The following UBE3A variants were observed in gnomAD, a reference collection of about 807,000 sequenced individuals.
The protein encoded by UBE3A is ubiquitin protein ligase E3A, also known as ubiquitin-protein ligase E3A.
A neutral mutation model predicts 83.4 loss-of-function variants in UBE3A; 6 were observed. The observed-to-expected ratio is 0.07, with a 90% CI of 0.04 to 0.14. UBE3A has a LOEUF of 0.14. Ranked by LOEUF, UBE3A falls within the 10% of genes least tolerant of loss-of-function variation. UBE3A has a pLI of 1.00. For missense variants in UBE3A, 456 were observed against 1,036.1 expected (o/e 0.44, Z 7.69); for synonymous variants, 337 against 355.4 (o/e 0.95, Z 0.58).
At chr15:25,386,600 T>A (rs1418849820) in intron 4 of UBE3A, among the ~76,000 whole-genome samples, 1 of 152,006 alleles carries the variant, frequency 6.6e-6, no homozygotes, top group African/African-American at 2.4e-5. Flanking sequence ...TGGGCATGGA[T>A]GAAGAATCTC....
In UBE3A at chr15:25,354,631, T is replaced by G. The variant is rs770845702; in HGVS notation, c.2177A>C (p.Gln726Pro). The change falls in exon 10 of 13, where the codon CAG becomes CCG. Residue 726 changes from glutamine to proline, a missense_variant. Around this residue, in one of 13 missense-constraint regions of UBE3A, gnomAD observed 82 missense variants for 199.3 expected, o/e 0.41. Coordinates refer to ENST00000648336, the MANE Select transcript of UBE3A (RefSeq NM_130839.5). ...DYILNKSVEK[Q>P]FKAFRRGFHM... ...AAAACCTCTCCGAAAAGCCTTGAAC[T>G]GTTTTTCTACTGATTTATTGAGAAT... 6.2e-7 allele frequency: 1 copy of G among 1,613,652 alleles called. No individual in the cohort carries two copies. The highest frequency in any genetic ancestry group is 1.1e-5 in the South Asian group (1 of 91,080).
intron 6 of UBE3A, among the ~76,000 whole-genome samples, chr15:25,363,918 G>A (rs2078559387): frequency 1.3e-5 from 2 of 151,890 alleles, no homozygotes; most frequent in South Asian, 2.1e-4. Flanking sequence ...AAGGCTGGGC[G>A]CCGTGGCTCA....
At chr15:25,408,366 C>G in intron 3 of UBE3A, 1 of 565,976 alleles carries the variant, frequency 1.8e-6, no homozygotes, top group South Asian at 2.1e-5. Context: ...AACATATAAC[C>G]TAATTCAAAA....
At position 25,370,492 on chromosome 15, in the gene UBE3A, CT is replaced by C; in HGVS notation, c.1608+73del. 6.4e-7 allele frequency: 1 copy of C among 1,563,498 alleles called. No individual in the cohort carries two copies. Among genetic ancestry groups the C allele is most frequent in the Non-Finnish European group, 8.8e-7 (1 of 1,134,412 alleles). On this transcript the variant is annotated intron_variant, in intron 6 of 12. Coordinates refer to ENST00000648336, the MANE Select transcript of UBE3A (RefSeq NM_130839.5). This position sits in a 1 kb window ranked among gnomAD's most constrained non-coding sequence, Gnocchi z 4.2. Reference sequence around the variant, plus strand: ...TATATGGTATCATTTTTTTCAGTCACTTTTAAAATGAATTCACTGAACTGTA... The same window carrying C: ...TATATGGTATCATTTTTTTCAGTCACTTTAAAATGAATTCACTGAACTGTA...
At chr15:25,397,826 T>C (rs1239741790) in intron 4 of UBE3A, among the ~76,000 whole-genome samples, 1 of 152,158 alleles carries the variant, frequency 6.6e-6, no homozygotes, top group African/African-American at 2.4e-5. Flanking sequence ...GTGACTTCAA[T>C]GTCCCTGTAC....
rs1187270744 is a variant in UBE3A at position 25,406,710 on chromosome 15, ACACACG to A, written c.21-1214_21-1209del. Reference sequence around the variant, plus strand: ...CAGTCACACACACACACACACACACACACACGCACACACACAAACCTGTTTTCTAAA... The same window carrying A: ...CAGTCACACACACACACACACACACACACACACACAAACCTGTTTTCTAAA... On this transcript the variant is annotated intron_variant, in intron 3 of 12. Transcript: ENST00000648336. 5.6e-4 allele frequency among the ~76,000 whole-genome samples: 81 copies of A among 143,436 alleles called. 1 individual carries two copies. Among genetic ancestry groups the A allele is most frequent in the African/African-American group, 2.0e-3 (75 of 37,788 alleles). The allele number at this position is 143,436 out of a possible 152,430, so 94.1% of individuals were successfully genotyped here.
intron 11 of UBE3A, chr15:25,346,217 C>G (rs1009935544): frequency 1.3e-5 from 2 of 152,342 alleles, no homozygotes; most frequent in Non-Finnish European, 2.9e-5. Flanking sequence ...GGGTCCTCTT[C>G]CCTCACCCAA....
intron 4 of UBE3A, among the ~76,000 whole-genome samples, chr15:25,393,162 G>A (rs67785909): frequency 0.12 from 18,119 of 151,940 alleles, 1,156 homozygotes; most frequent in Middle Eastern, 0.23. Context: ...GTAATAGTCC[G>A]GACAAATAAT....
intron 4 of UBE3A, among the ~76,000 whole-genome samples, chr15:25,402,102 A>C (rs1195111434): frequency 6.6e-6 from 1 of 152,082 alleles, no homozygotes; most frequent in Non-Finnish European, 1.5e-5. Context: ...CGTTTCCCTG[A>C]CTGTTCTTGA....
intron 4 of UBE3A, among the ~76,000 whole-genome samples, chr15:25,376,325 C>T (rs192554380): frequency 8.2e-4 from 125 of 152,200 alleles, no homozygotes; most frequent in African/African-American, 2.9e-3. Flanking sequence ...AGTGGAATAT[C>T]CAAAGATAGT....
At chr15:25,351,965 G>A (rs1002750244) in intron 11 of UBE3A, among the ~76,000 whole-genome samples, 5 of 152,046 alleles carry the variant, frequency 3.3e-5, no homozygotes, top group South Asian at 2.1e-4. Flanking sequence ...AGGCCGAGGC[G>A]GGCGGATCAC....
intron 4 of UBE3A, among the ~76,000 whole-genome samples, chr15:25,400,734 G>A (rs1002923947): frequency 6.6e-6 from 1 of 152,096 alleles, no homozygotes; most frequent in Non-Finnish European, 1.5e-5. Flanking sequence ...CTATATACAA[G>A]ATCATGTCAT....
chr15:25,376,141 A>G lies in UBE3A; in HGVS notation c.63-378T>C, dbSNP rs555971850. Among the ~76,000 whole-genome samples, 55 of 152,300 alleles carry G rather than the reference A, an allele frequency of 3.6e-4. 1 individual carries two copies. The highest frequency in any genetic ancestry group is 7.1e-4 in the Non-Finnish European group (48 of 68,014). ...GGATTCTATCATTTTAAAAATTAGCATTAGGAAAATGAGTCTATTTAAAGC... is the reference window on the plus strand; with the variant it reads ...GGATTCTATCATTTTAAAAATTAGCGTTAGGAAAATGAGTCTATTTAAAGC... On this transcript the variant is annotated intron_variant, in intron 4 of 12. Coordinates refer to ENST00000648336, the MANE Select transcript of UBE3A (RefSeq NM_130839.5).
At chr15:25,366,197 GAATA>G (rs1398337667) in intron 6 of UBE3A, among the ~76,000 whole-genome samples, 1 of 152,030 alleles carries the variant, frequency 6.6e-6, no homozygotes, top group African/African-American at 2.4e-5. Context: ...ATTTCAATTA[GAATA>G]AATCACAAGA....
At chr15:25,383,944 T>G (rs1002804522) in intron 4 of UBE3A, among the ~76,000 whole-genome samples, 1 of 152,108 alleles carries the variant, frequency 6.6e-6, no homozygotes, top group Non-Finnish European at 1.5e-5. Context: ...TGTTGAAAAC[T>G]CTAGCCTACC....
intron 1 of UBE3A, among the ~76,000 whole-genome samples, chr15:25,431,716 C>T (rs1208693498): frequency 6.6e-6 from 1 of 152,120 alleles, no homozygotes; most frequent in East Asian, 1.9e-4. Context: ...AAAAATGTTA[C>T]CCAATTAATC....
At chr15:25,367,961 A>T (rs1373480818) in intron 6 of UBE3A, among the ~76,000 whole-genome samples, 1 of 152,108 alleles carries the variant, frequency 6.6e-6, no homozygotes, top group Non-Finnish European at 1.5e-5. Flanking sequence ...GATAACTCTA[A>T]GGTTTCTTTT....
At chr15:25,362,526 T>C (rs1464602364) in intron 6 of UBE3A, among the ~76,000 whole-genome samples, 1 of 152,194 alleles carries the variant, frequency 6.6e-6, no homozygotes, top group Admixed American at 6.5e-5. Flanking sequence ...TGTTACCTTT[T>C]AAAATAGTTT....
chr15:25,362,188 T>C (rs2078225217), intron 6 of UBE3A, among the ~76,000 whole-genome samples: 1 of 152,172 alleles, frequency 6.6e-6, no homozygotes, highest in African/African-American at 2.4e-5. Flanking sequence ...AGTCAAAGAG[T>C]TTGACAAAAC....
Sources: gnomAD v4.1 joint callset for allele counts (sites outside exome capture counted in the v4.1 genomes callset) on GRCh38, gnomAD v4.1.1 for gene constraint, gnomAD v4.1.1 regional missense constraint, Gnocchi (gnomAD v3.1) non-coding constraint, MANE v1.5 for transcripts, NCBI Gene and HGNC (gene_info 2026-07-23, HGNC 2026-07-21) for gene names.